The following ODAD2 variants were observed in gnomAD, a reference collection of about 807,000 sequenced individuals.
ODAD2 encodes the protein outer dynein arm-docking complex subunit 2.
In ODAD2, 89 loss-of-function variants were observed where a neutral mutation model predicts 106.8. The ratio of observed to expected loss-of-function variants is 0.83; its 90% CI spans 0.70 to 0.99. The LOEUF (loss-of-function observed/expected upper bound fraction) is 0.99. ODAD2 is among the 50% of genes least tolerant of loss of function. The probability of loss-of-function intolerance (pLI) is 0.00; values close to 1 mark genes in which losing one functional copy is unlikely to be tolerated. For synonymous variants in ODAD2, 404 were observed against 436.2 expected (o/e 0.93, Z 0.92); for missense variants, 1,168 against 1,238.5 (o/e 0.94, Z 0.85).
intron 19 of ODAD2, among the ~76,000 whole-genome samples, chr10:27,850,444 C>CAAAA (rs10713871): frequency 3.3e-5 from 3 of 89,558 alleles, no homozygotes; most frequent in African/African-American, 4.4e-5. Context: ...GACTCCGTCT[C>CAAAA]AAAAAAAAAA....
At chr10:27,912,254 C>A (rs1339944278) in intron 16 of ODAD2, among the ~76,000 whole-genome samples, 2 of 152,088 alleles carry the variant, frequency 1.3e-5, no homozygotes, top group Non-Finnish European at 2.9e-5. Flanking sequence ...TTTTGCATAG[C>A]AATAGAATCC....
chr10:27,890,365 T>C (rs1292498423), intron 17 of ODAD2, among the ~76,000 whole-genome samples: 1 of 152,200 alleles, frequency 6.6e-6, no homozygotes, highest in Non-Finnish European at 1.5e-5. Flanking sequence ...TGACATAATT[T>C]AATAGATGAA....
At chr10:27,947,419 C>T (rs1337359928) in intron 10 of ODAD2, among the ~76,000 whole-genome samples, 2 of 152,074 alleles carry the variant, frequency 1.3e-5, no homozygotes, top group African/African-American at 4.8e-5. Context: ...GAGCTATGAT[C>T]ACACTACCAC....
intron 16 of ODAD2, among the ~76,000 whole-genome samples, chr10:27,909,748 G>A (rs1027115276): frequency 2.7e-5 from 4 of 147,680 alleles, no homozygotes; most frequent in Non-Finnish European, 4.5e-5. Context: ...AACCCAGGAG[G>A]TGGAGGTTGC....
intron 19 of ODAD2, among the ~76,000 whole-genome samples, chr10:27,821,715 C>A (rs2065689): frequency 0.13 from 20,170 of 152,130 alleles, 2,277 homozygotes; most frequent in African/African-American, 0.29. Context: ...GGAAAGTGAA[C>A]TACAAATTTG....
chr10:27,877,283 A>G (rs1373614871), intron 17 of ODAD2, among the ~76,000 whole-genome samples: 1 of 152,168 alleles, frequency 6.6e-6, no homozygotes, highest in Non-Finnish European at 1.5e-5. Context: ...AATCAGCCAC[A>G]GCACTGGGGC....
Position 27,907,736 on chromosome 10 carries a change from A to G in ODAD2, c.2537T>C (p.Leu846Pro). 6.2e-7 allele frequency: 1 copy of G among 1,613,934 alleles called. No individual in the cohort carries two copies. The highest frequency in any genetic ancestry group is 8.5e-7 in the Non-Finnish European group (1 of 1,179,872). Residue 846 changes from leucine to proline, a missense_variant, in exon 17 of 20, where the codon CTG (leucine) becomes CCG (proline). By Grantham distance (98) the Leu-to-Pro change is moderately conservative. Coordinates refer to ENST00000305242, the MANE Select transcript of ODAD2 (RefSeq NM_018076.5). The part of the protein sequence containing the change: ...RLDGVRLLWS[L>P]LKNPHPDVKA... ...CACGTCTGGGTGAGGATTTTTCAGCAGGGACCACAACAAACGAACTCCATC... is the reference window on the plus strand; with the variant it reads ...CACGTCTGGGTGAGGATTTTTCAGCGGGGACCACAACAAACGAACTCCATC...
intron 19 of ODAD2, among the ~76,000 whole-genome samples, chr10:27,823,388 T>A (rs1836765816): frequency 1.3e-5 from 2 of 152,214 alleles, no homozygotes; most frequent in Non-Finnish European, 2.9e-5. Context: ...CCATAGATTA[T>A]GCAGTAAAGT....
intron 6 of ODAD2, chr10:27,981,797 GTTCA>G (rs1426437173): frequency 2.7e-6 from 1 of 372,034 alleles, no homozygotes; most frequent in Non-Finnish European, 4.7e-6. Context: ...TCATTCAATT[GTTCA>G]TTCATTCAGC....
rs1484753031 is a variant in ODAD2 at position 27,939,992 on chromosome 10, CAGCCCGGT to C, written c.1994_2001del (p.Tyr665CysfsTer9). On this transcript the variant is annotated frameshift_variant, in exon 14 of 20. Transcript: ENST00000305242. LOFTEE classifies it high-confidence loss of function. ...TCAATGATCCTTTCTGCTTTGATTGCAGCCCGGTAGTTTTCCTAGGAATAAAAACCTAC... is the reference window on the plus strand; with the variant it reads ...TCAATGATCCTTTCTGCTTTGATTGCAGTTTTCCTAGGAATAAAAACCTAC... 1.2e-6 allele frequency: 2 copies of C among 1,606,670 alleles called. No homozygotes were observed. Among genetic ancestry groups the C allele is most frequent in the Non-Finnish European group, 1.7e-6 (2 of 1,176,754 alleles).
At chr10:27,822,344 A>C (rs1048728132) in intron 19 of ODAD2, among the ~76,000 whole-genome samples, 2 of 152,370 alleles carry the variant, frequency 1.3e-5, no homozygotes, top group African/African-American at 4.8e-5. Flanking sequence ...ACAGCCTAGA[A>C]TCAGGAGTTT....
intron 19 of ODAD2, among the ~76,000 whole-genome samples, chr10:27,840,136 T>C (rs1302236423): frequency 1.3e-5 from 2 of 152,196 alleles, no homozygotes; most frequent in African/African-American, 4.8e-5. Flanking sequence ...TTTTCACAAC[T>C]GAGGTAAAAT....
chr10:27,829,673 A>T (rs1490195954), intron 19 of ODAD2, among the ~76,000 whole-genome samples: 1 of 152,154 alleles, frequency 6.6e-6, no homozygotes, highest in East Asian at 1.9e-4. Flanking sequence ...CCCCCTAATA[A>T]TCCCCTAACA....
intron 17 of ODAD2, among the ~76,000 whole-genome samples, chr10:27,885,613 A>AT (rs1407034768): frequency 1.1e-3 from 82 of 74,960 alleles, no homozygotes; most frequent in African/African-American, 3.9e-3. Context: ...TAAAATATAT[A>AT]TAAATATAAA....
intron 9 of ODAD2, 89 bp from the exon 10 acceptor site, chr10:27,961,804 C>A (rs1848162505): frequency 8.9e-7 from 1 of 1,124,118 alleles, no homozygotes; most frequent in Non-Finnish European, 1.3e-6. Context: ...GTGGCTCATG[C>A]CTATAATCTC....
intron 19 of ODAD2, among the ~76,000 whole-genome samples, chr10:27,835,677 G>A (rs1012671029): frequency 2.0e-5 from 3 of 152,122 alleles, no homozygotes; most frequent in African/African-American, 7.2e-5. Flanking sequence ...CTTAAAATAA[G>A]AGAAGTTTAA....
chr10:27,833,533 G>T (rs1303386381), intron 19 of ODAD2, among the ~76,000 whole-genome samples: 1 of 152,172 alleles, frequency 6.6e-6, no homozygotes, highest in African/African-American at 2.4e-5. Flanking sequence ...CTACGTAGAA[G>T]AAAAATATTG....
chr10:27,828,516 G>T (rs897768750), intron 19 of ODAD2, among the ~76,000 whole-genome samples: 4 of 152,130 alleles, frequency 2.6e-5, no homozygotes, highest in African/African-American at 7.2e-5. Flanking sequence ...GTAGGTGTGG[G>T]ACAGGAAGTT....
In ODAD2 at chr10:27,985,061, A is replaced by G; in HGVS notation, c.533T>C (p.Leu178Ser). The change falls in exon 4 of 20, where the codon TTG becomes TCG. Residue 178 changes from leucine to serine, a missense_variant. Physicochemically the swap from Leu to Ser is moderately radical, Grantham distance 145. Coordinates refer to ENST00000305242, the MANE Select transcript of ODAD2 (RefSeq NM_018076.5). ...KMKIAMLLKQ[L>S]DLHLLNHSLK... ...AGAATGATTGAGGAGGTGCAGATCC[A>G]ATTGCTTAAGCAGCATAGCAATCTT... The G allele has an allele frequency of 6.2e-7, 1 of 1,609,380 alleles. No individual in the cohort carries two copies. Among genetic ancestry groups the G allele is most frequent in the Non-Finnish European group, 8.5e-7 (1 of 1,178,530 alleles).
Sources: allele counts gnomAD v4.1 joint callset (sites outside exome capture counted in the v4.1 genomes callset), GRCh38; gene constraint gnomAD v4.1.1; transcripts MANE v1.5; gene names NCBI Gene and HGNC (gene_info 2026-07-23, HGNC 2026-07-21).